NEO1: variants seen among roughly 807,000 people sequenced by gnomAD.
NEO1 encodes the protein neogenin 1.
In NEO1, 63 loss-of-function variants were observed where a neutral mutation model predicts 159.7. The ratio of observed to expected loss-of-function variants is 0.39; its 90% CI spans 0.32 to 0.49. NEO1 has a LOEUF of 0.49. NEO1 is among the 20% of genes least tolerant of loss of function. NEO1 has a pLI of 0.85. For synonymous variants in NEO1, 633 were observed against 662.0 expected (o/e 0.96, Z 0.67); for missense variants, 1,615 against 1,831.0 (o/e 0.88, Z 2.15).
intron 7 of NEO1, among the ~76,000 whole-genome samples, chr15:73,210,134 TAAAGTA>T (rs2037474004): frequency 1.3e-5 from 2 of 152,202 alleles, no homozygotes; most frequent in African/African-American, 4.8e-5. Context: ...AAATCAGAGT[TAAAGTA>T]TAAGACAAGA....
At chr15:73,285,589 ACTACTTTTCTTC>A (rs1169393866) in intron 23 of NEO1, among the ~76,000 whole-genome samples, 15 of 152,196 alleles carry the variant, frequency 9.9e-5, no homozygotes, top group Admixed American at 3.3e-4. Flanking sequence ...AGCTTTTCTT[ACTACTTTTCTTC>A]CTACTTTTCT....
intron 5 of NEO1, among the ~76,000 whole-genome samples, chr15:73,144,272 C>A (rs1231092162): frequency 6.6e-5 from 10 of 152,126 alleles, no homozygotes; most frequent in African/African-American, 2.4e-4. Flanking sequence ...CAGTTTTATT[C>A]ATTCCCATTT....
rs1007384698 is a variant in NEO1, at chr15:73,089,070, T to G, written c.131-27470T>G. Among the ~76,000 whole-genome samples, 3 of 152,156 alleles carry G rather than the reference T, an allele frequency of 2.0e-5. No individual in the cohort carries two copies. In the East Asian group the frequency reaches 5.8e-4, roughly 29 times the overall value. On this transcript the variant is annotated intron_variant, in intron 1 of 28. Coordinates refer to ENST00000261908, the MANE Select transcript of NEO1 (RefSeq NM_002499.4). ...GGAAACAAATACAGACAAAAGGTCA[T>G]TTTATTTTTATTGGTTAGTAATTCA...
intron 7 of NEO1, among the ~76,000 whole-genome samples, chr15:73,224,485 C>G (rs1226995775): frequency 6.6e-6 from 1 of 152,106 alleles, no homozygotes; most frequent in Non-Finnish European, 1.5e-5. Flanking sequence ...CCCAGACTTC[C>G]TGGAGGCTTT....
intron 4 of NEO1, among the ~76,000 whole-genome samples, chr15:73,130,295 G>T (rs1019783837): frequency 7.2e-6 from 1 of 138,514 alleles, no homozygotes. Context: ...TAGTTCTGTG[G>T]GCTCAGTTTC....
intron 1 of NEO1, among the ~76,000 whole-genome samples, chr15:73,099,919 C>T (rs775957359): frequency 2.0e-5 from 3 of 152,164 alleles, no homozygotes; most frequent in African/African-American, 4.8e-5. Flanking sequence ...ATGTGAGCCA[C>T]GGAATTATAT....
intron 1 of NEO1, among the ~76,000 whole-genome samples, chr15:73,095,818 T>C (rs140102835): frequency 0.011 from 1,728 of 152,286 alleles, 18 homozygotes; most frequent in South Asian, 0.017. Context: ...ATGCATGGAT[T>C]TCAAAATTTC....
chr15:73,253,378 T>A, intron 11 of NEO1, 22 bp from the exon 12 acceptor site: 1 of 1,513,712 alleles, frequency 6.6e-7, no homozygotes, highest in South Asian at 1.3e-5. Flanking sequence ...AAAAAATTTT[T>A]TTTTTTTTTT....
rs1019366743 is a variant in NEO1, at chr15:73,219,288, T to G, written c.1292-17059T>G. Among the ~76,000 whole-genome samples, 6 of 149,488 alleles carry G rather than the reference T, an allele frequency of 4.0e-5. No individual in the cohort carries two copies. The South Asian group carries it at 1.1e-3, about 26-fold the overall frequency. Reference sequence around the variant, plus strand: ...TTTGATTGCACTGTGGTCTGAGAGATAGTTTGTTATAATTTCTGTTCTTTT... The same window carrying G: ...TTTGATTGCACTGTGGTCTGAGAGAGAGTTTGTTATAATTTCTGTTCTTTT... On this transcript the variant is annotated intron_variant, in intron 7 of 28. Transcript: ENST00000261908.
At chr15:73,130,615 G>A (rs2030986375) in intron 4 of NEO1, among the ~76,000 whole-genome samples, 1 of 152,224 alleles carries the variant, frequency 6.6e-6, no homozygotes, top group South Asian at 2.1e-4. Flanking sequence ...TTGTAGTGAA[G>A]CATCTCAGCC....
chr15:73,154,250 C>T (rs530247046), intron 5 of NEO1, among the ~76,000 whole-genome samples: 34 of 151,986 alleles, frequency 2.2e-4, no homozygotes, highest in African/African-American at 8.0e-4. Context: ...ATATATTTAT[C>T]GGGTACATGA....
chr15:73,217,309 A>C lies in NEO1; in HGVS notation c.1292-19038A>C, dbSNP rs1487962301. On this transcript the variant is annotated intron_variant, in intron 7 of 28. Transcript: ENST00000261908. Reference sequence around the variant, plus strand: ...TCTATATCTCTGTTTTGGTACCAGTACCATGCTGTTTTGGTTACTGTAGCC... The same window carrying C: ...TCTATATCTCTGTTTTGGTACCAGTCCCATGCTGTTTTGGTTACTGTAGCC... Among the ~76,000 whole-genome samples the C allele has an allele frequency of 3.7e-3, 555 of 150,176 alleles. 2 individuals are homozygous for C. The highest frequency in any genetic ancestry group is 5.6e-3 in the Non-Finnish European group (380 of 67,386).
intron 16 of NEO1, among the ~76,000 whole-genome samples, chr15:73,268,349 C>G (rs114316878): frequency 0.013 from 2,025 of 152,164 alleles, 42 homozygotes; most frequent in African/African-American, 0.047. Flanking sequence ...TAGAAATACA[C>G]AAGAAAATGT....
At position 73,236,461 on chromosome 15, in the gene NEO1, A is replaced by G; in HGVS notation, c.1406A>G (p.Asp469Gly). The G allele has an allele frequency of 6.2e-7, 1 of 1,614,128 alleles. No homozygotes were observed. The highest frequency in any genetic ancestry group is 8.5e-7 in the Non-Finnish European group (1 of 1,180,012). Residue 469 changes from aspartate (D) to glycine (G), a missense_variant, in exon 8 of 29, where the codon GAC becomes GGC. Transcript: ENST00000261908. ...ACACCTGCATCAGATCCTCACGGAG[A>G]CAACCTTACCTACTCTGTGTTCTAC... ...WRTPASDPHG[D>G]NLTYSVFYTK...
At chr15:73,145,604 C>T (rs1274927755) in intron 5 of NEO1, among the ~76,000 whole-genome samples, 1 of 152,030 alleles carries the variant, frequency 6.6e-6, no homozygotes, top group Non-Finnish European at 1.5e-5. Context: ...CTACAAAAAT[C>T]ATGTTTTAGA....
intron 27 of NEO1, 124 bp downstream of exon 27, chr15:73,298,735 G>A: frequency 7.4e-7 from 1 of 1,351,324 alleles, no homozygotes; most frequent in Non-Finnish European, 1.0e-6. Context: ...GCCTATCTTA[G>A]CAATTCTGTT....
At chr15:73,160,000 G>T (rs2034056188) in intron 5 of NEO1, among the ~76,000 whole-genome samples, 1 of 151,780 alleles carries the variant, frequency 6.6e-6, no homozygotes, top group Non-Finnish European at 1.5e-5. Context: ...TTTTCATTTT[G>T]TGCACTGTCT....
rs1677544735 is a variant in NEO1 at position 73,052,563 on chromosome 15, G to A, written c.-113G>A. On this transcript the variant is annotated 5_prime_UTR_variant, in exon 1 of 29. Coordinates refer to ENST00000261908, the MANE Select transcript of NEO1 (RefSeq NM_002499.4). ...CGGGCCGGGCTGGGCTGGAGCAGCG[G>A]CGGCCGCGGGAGCCGAGCTTGCAGC... 3 of 567,566 alleles carry A rather than the reference G, an allele frequency of 5.3e-6. No individual in the cohort carries two copies. The highest frequency in any genetic ancestry group is 7.3e-6 in the Non-Finnish European group (3 of 411,370). 35.2% of individuals were successfully genotyped at this position (567,566 alleles called of 1,614,324 possible).
rs1024481318 is a variant in NEO1, at chr15:73,165,456, A to G, written c.1016-10947A>G. On this transcript the variant is annotated intron_variant, in intron 5 of 28. Coordinates refer to ENST00000261908, the MANE Select transcript of NEO1 (RefSeq NM_002499.4). ...GTTAACAGAAAAATCCAACTGTAGAACAGTAGGGAGAATCAGAGAGCAGGT... is the reference window on the plus strand; with the variant it reads ...GTTAACAGAAAAATCCAACTGTAGAGCAGTAGGGAGAATCAGAGAGCAGGT... Among the ~76,000 whole-genome samples the G allele has an allele frequency of 8.5e-5, 13 of 152,222 alleles. 1 individual carries two copies. The highest frequency in any genetic ancestry group is 1.9e-4 in the Non-Finnish European group (13 of 68,030).
Sources: gnomAD v4.1 joint callset for allele counts (sites outside exome capture counted in the v4.1 genomes callset) on GRCh38, gnomAD v4.1.1 for gene constraint, MANE v1.5 for transcripts, NCBI Gene and HGNC (gene_info 2026-07-23, HGNC 2026-07-21) for gene names.